The following FAM117A variants were observed in gnomAD, a reference collection of about 807,000 sequenced individuals.
The protein encoded by FAM117A is family with sequence similarity 117 member A.
A neutral mutation model predicts 44.1 loss-of-function variants in FAM117A; 21 were observed. The ratio of observed to expected loss-of-function variants is 0.48; its 90% CI spans 0.34 to 0.69. FAM117A has a LOEUF of 0.69. FAM117A is among the 30% of genes least tolerant of loss of function. FAM117A has a pLI of 0.01. For synonymous variants in FAM117A, 220 were observed against 238.3 expected, an observed-to-expected ratio of 0.92 and a Z score of 0.71; for missense variants, 498 against 589.9, an observed-to-expected ratio of 0.84 and a Z score of 1.61.
At chr17:49,780,261 C>T (rs1359548015) in intron 1 of FAM117A, among the ~76,000 whole-genome samples, 1 of 152,148 alleles carries the variant, frequency 6.6e-6, no homozygotes, top group Non-Finnish European at 1.5e-5. Context: ...TTACAAATGG[C>T]AAAATGCAGT....
intron 1 of FAM117A, among the ~76,000 whole-genome samples, chr17:49,769,677 C>T (rs996030306): frequency 6.6e-6 from 1 of 151,904 alleles, no homozygotes; most frequent in African/African-American, 2.4e-5. Context: ...TGCACTCCAG[C>T]CTGGGCGACA....
intron 2 of FAM117A, among the ~76,000 whole-genome samples, chr17:49,729,099 G>A (rs1273664759): frequency 6.6e-6 from 1 of 152,208 alleles, no homozygotes; most frequent in Non-Finnish European, 1.5e-5. Flanking sequence ...AGAGCTTTTC[G>A]CTCCATCTTC....
intron 1 of FAM117A, among the ~76,000 whole-genome samples, chr17:49,750,274 G>A (rs574889537): frequency 1.1e-4 from 16 of 148,806 alleles, no homozygotes; most frequent in African/African-American, 3.9e-4. Flanking sequence ...ATACTCACAT[G>A]CAGACACACA....
At chr17:49,714,181 G>A (rs2073491161) in intron 7 of FAM117A, among the ~76,000 whole-genome samples, 1 of 152,078 alleles carries the variant, frequency 6.6e-6, no homozygotes, top group Non-Finnish European at 1.5e-5. Context: ...GATCTTGGAG[G>A]GGACAACAGC....
rs186165753 is a variant in FAM117A, at chr17:49,718,992, G to A, written c.708+768C>T. Among the ~76,000 whole-genome samples, 480 of 149,264 alleles carry A rather than the reference G, an allele frequency of 3.2e-3. 1 individual carries two copies. The highest frequency in any genetic ancestry group is 0.011 in the African/African-American group (457 of 40,476). On this transcript the variant is annotated intron_variant, in intron 5 of 7. Transcript: ENST00000240364. Reference sequence around the variant, plus strand: ...ACTCTCCAAAAAAAAAAAAAAGGCCGGTGGCTCACGCCTGTAATCCCAGCA... The same window carrying A: ...ACTCTCCAAAAAAAAAAAAAAGGCCAGTGGCTCACGCCTGTAATCCCAGCA...
At chr17:49,737,632 T>C (rs2073616691) in intron 1 of FAM117A, among the ~76,000 whole-genome samples, 2 of 152,350 alleles carry the variant, frequency 1.3e-5, no homozygotes, top group East Asian at 1.9e-4. Context: ...GATTCTTTCC[T>C]TACTGGGACC....
upstream of FAM117A, chr17:49,788,765 C>T: frequency 1.3e-6 from 2 of 1,530,830 alleles, no homozygotes; most frequent in South Asian, 1.2e-5. Flanking sequence ...CCACGGAGCC[C>T]GCCGGAGCCA....
At chr17:49,743,466 A>G (rs375838673) in intron 1 of FAM117A, among the ~76,000 whole-genome samples, 1 of 152,254 alleles carries the variant, frequency 6.6e-6, no homozygotes, top group East Asian at 1.9e-4. Flanking sequence ...ACAGTGGCTC[A>G]CGCCTGTAAT....
intron 2 of FAM117A, among the ~76,000 whole-genome samples, chr17:49,726,367 C>T (rs909447246): frequency 6.6e-6 from 1 of 152,028 alleles, no homozygotes; most frequent in Non-Finnish European, 1.5e-5. Flanking sequence ...CATGTGCCAC[C>T]ACACCTGGCT....
At chr17:49,718,444 G>A (rs946140619) in intron 5 of FAM117A, among the ~76,000 whole-genome samples, 3 of 152,000 alleles carry the variant, frequency 2.0e-5, no homozygotes, top group Non-Finnish European at 2.9e-5. Context: ...TGAGGCGGGC[G>A]GATCACGAGG....
chr17:49,764,118 T>C lies in FAM117A; in HGVS notation c.-31A>G. The C allele has an allele frequency of 1.8e-6, 2 of 1,133,068 alleles. No homozygotes were observed. Among genetic ancestry groups the C allele is most frequent in the East Asian group, 3.5e-5 (1 of 28,682 alleles). 70.2% of individuals were successfully genotyped at this position (1,133,068 alleles called of 1,614,324 possible). A position where few individuals can be genotyped will look rare whatever the true frequency, so the allele number is the denominator to read the frequency against. On this transcript the variant is annotated 5_prime_UTR_variant, in exon 1 of 8. Coordinates refer to ENST00000240364, the MANE Select transcript of FAM117A (RefSeq NM_030802.4). ...TCCCGGCTGCCTGCCTCAGCCCCAC[T>C]GCGAGACTCACACAGCCCCCCAACC...
chr17:49,711,623 G>A, intron 7 of FAM117A, 68 bp from the exon 8 acceptor site: 1 of 1,465,812 alleles, frequency 6.8e-7, no homozygotes, highest in Non-Finnish European at 9.5e-7. Flanking sequence ...GCGAGAGAGG[G>A]TGAGATGTCA....
At chr17:49,711,647 G>A in intron 7 of FAM117A, 92 bp from the exon 8 acceptor site, 3 of 1,240,378 alleles carry the variant, frequency 2.4e-6, no homozygotes, top group Non-Finnish European at 3.5e-6. Context: ...CATCAAGGCA[G>A]CAGGAGAGCT....
chr17:49,753,773 G>C (rs1380712645), intron 1 of FAM117A, among the ~76,000 whole-genome samples: 1 of 152,166 alleles, frequency 6.6e-6, no homozygotes, highest in African/African-American at 2.4e-5. Flanking sequence ...AACAGAGTGA[G>C]ACTCTGTCTC....
intron 1 of FAM117A, among the ~76,000 whole-genome samples, chr17:49,736,209 T>C (rs2073609868): frequency 6.6e-6 from 1 of 152,230 alleles, no homozygotes; most frequent in Non-Finnish European, 1.5e-5. Context: ...AAACACATCA[T>C]TTTAAATGAT....
chr17:49,770,205 G>A (rs1327569024), intron 1 of FAM117A, among the ~76,000 whole-genome samples: 4 of 150,546 alleles, frequency 2.7e-5, no homozygotes, highest in African/African-American at 9.8e-5. Context: ...AGGAGGCAGA[G>A]GTTGCCGTGA....
upstream of FAM117A, among the ~76,000 whole-genome samples, chr17:49,766,103 C>A (rs1423115451): frequency 6.6e-6 from 1 of 152,118 alleles, no homozygotes; most frequent in Admixed American, 6.5e-5. Context: ...TTATTTATTG[C>A]TCAAGACCAC....
At chr17:49,719,937 G>A (rs371531039) in intron 4 of FAM117A, 43 bp from the exon 5 acceptor site, 2 of 1,573,720 alleles carry the variant, frequency 1.3e-6, no homozygotes, top group Non-Finnish European at 1.7e-6. Context: ...AGCCCCACCA[G>A]GCCTAGACAG....
At chr17:49,781,495 G>A (rs2073789350) in intron 1 of FAM117A, among the ~76,000 whole-genome samples, 1 of 152,172 alleles carries the variant, frequency 6.6e-6, no homozygotes, top group Non-Finnish European at 1.5e-5. Context: ...ATAAAAACAG[G>A]AGAGAGCTAT....
Sources: gnomAD v4.1 joint callset for allele counts (sites outside exome capture counted in the v4.1 genomes callset) on GRCh38, gnomAD v4.1.1 for gene constraint, MANE v1.5 for transcripts, NCBI Gene and HGNC (gene_info 2026-07-23, HGNC 2026-07-21) for gene names.